RASA1: variants seen among roughly 807,000 people sequenced by gnomAD.
RASA1 encodes RAS p21 protein activator 1.
Under a neutral mutation model 132.2 loss-of-function variants are expected in RASA1, and 25 were observed. That is an observed-to-expected ratio of 0.19 (90% CI 0.14 to 0.26). RASA1 has a LOEUF of 0.26. Ranked by LOEUF, RASA1 falls within the 10% of genes least tolerant of loss-of-function variation. The pLI, the probability that RASA1 is intolerant of heterozygous loss-of-function variation, is 1.00. For missense variants in RASA1, 964 were observed against 1,299.2 expected, an observed-to-expected ratio of 0.74 and a Z score of 3.97; for synonymous variants, 477 against 449.9, an observed-to-expected ratio of 1.06 and a Z score of -0.76.
chr5:87,291,590 G>GCCT (rs1249786525), intron 1 of RASA1, among the ~76,000 whole-genome samples: 1 of 152,140 alleles, frequency 6.6e-6, no homozygotes, highest in Non-Finnish European at 1.5e-5. Flanking sequence ...GGTGGGACCT[G>GCCT]GTGAGAGGGG....
intron 1 of RASA1, among the ~76,000 whole-genome samples, chr5:87,315,126 A>G (rs1756227664): frequency 6.6e-6 from 1 of 152,264 alleles, no homozygotes; most frequent in African/African-American, 2.4e-5. Context: ...GTACAGAATT[A>G]CAACACAGCT....
rs1423385321 is a variant in RASA1 at position 87,372,161 on chromosome 5, G to C, written c.1742G>C (p.Ser581Thr). The C allele has an allele frequency of 6.2e-7, 1 of 1,613,560 alleles. No individual in the cohort carries two copies. The highest frequency in any genetic ancestry group is 1.3e-5 in the African/African-American group (1 of 74,902). The change falls in exon 13 of 25, where the codon AGT becomes ACT. Residue 581 changes from serine (S) to threonine (T), a missense_variant. Coordinates refer to ENST00000274376, the MANE Select transcript of RASA1 (RefSeq NM_002890.3). ...GLQAFCNLRK[S>T]SPGTSNKRLR... The stretch of plus-strand genomic sequence containing the variant: ...CAGGCATTTTGCAATTTACGGAAAA[G>C]TAGTCCAGGGACATCCAATAAACGC...
intron 9 of RASA1, among the ~76,000 whole-genome samples, chr5:87,356,950 C>G (rs77370944): frequency 0.032 from 4,854 of 152,120 alleles, 162 homozygotes; most frequent in African/African-American, 0.074. Flanking sequence ...TGTTTTTTCC[C>G]AGTGCTTAGA....
At chr5:87,321,991 CA>C (rs879724592) in intron 1 of RASA1, among the ~76,000 whole-genome samples, 2 of 152,114 alleles carry the variant, frequency 1.3e-5, no homozygotes, top group Non-Finnish European at 2.9e-5. Context: ...AAGACTATAA[CA>C]AGGGTGATAT....
intron 1 of RASA1, among the ~76,000 whole-genome samples, chr5:87,303,361 TTC>T (rs1755464181): frequency 6.6e-6 from 1 of 152,124 alleles, no homozygotes; most frequent in African/African-American, 2.4e-5. Flanking sequence ...TATTTTTTTT[TTC>T]TGTCTTTTCA....
intron 1 of RASA1, among the ~76,000 whole-genome samples, chr5:87,310,892 A>G (rs541050598): frequency 6.6e-6 from 1 of 152,228 alleles, no homozygotes; most frequent in Non-Finnish European, 1.5e-5. Context: ...GCATCAAACT[A>G]TACTAGTAAT....
chr5:87,375,473 C>T (rs1426969080), intron 15 of RASA1, among the ~76,000 whole-genome samples: 2 of 152,130 alleles, frequency 1.3e-5, no homozygotes. Flanking sequence ...GTTGGCCAGG[C>T]TGGTTTCAAA....
intron 1 of RASA1, among the ~76,000 whole-genome samples, chr5:87,270,572 C>T (rs1753782294): frequency 1.3e-5 from 2 of 150,342 alleles, no homozygotes; most frequent in Non-Finnish European, 1.5e-5. Flanking sequence ...ATGTCGAACT[C>T]CTGACCTCAG....
At chr5:87,269,435 A>G in intron 1 of RASA1, 1 of 1,008,320 alleles carries the variant, frequency 9.9e-7, no homozygotes, top group South Asian at 1.6e-5. Flanking sequence ...AATTTGAAAA[A>G]TGTATTGGTT....
At chr5:87,306,720 A>G (rs985297422) in intron 1 of RASA1, among the ~76,000 whole-genome samples, 4 of 152,032 alleles carry the variant, frequency 2.6e-5, no homozygotes, top group African/African-American at 4.8e-5. Context: ...GCTGGGGTAT[A>G]TAGAATGCTT....
intron 12 of RASA1, among the ~76,000 whole-genome samples, chr5:87,371,232 A>C (rs1394791633): frequency 6.6e-6 from 1 of 151,998 alleles, no homozygotes; most frequent in African/African-American, 2.4e-5. Flanking sequence ...TGGTATTTCC[A>C]GTTTTTGTTG....
chr5:87,269,130 A>G, intron 1 of RASA1, 140 bp downstream of exon 1: 1 of 1,613,440 alleles, frequency 6.2e-7, no homozygotes, highest in Non-Finnish European at 8.5e-7. Flanking sequence ...CTTGGGTAGG[A>G]ATTTAATCTG....
At chr5:87,345,389 G>C (rs1337740164) in intron 6 of RASA1, among the ~76,000 whole-genome samples, 2 of 151,970 alleles carry the variant, frequency 1.3e-5, no homozygotes, top group African/African-American at 4.8e-5. Context: ...TAGAAGTAGA[G>C]GATTAGCCTT....
intron 1 of RASA1, among the ~76,000 whole-genome samples, chr5:87,285,618 C>CTTTT (rs548410947): frequency 3.2e-5 from 4 of 126,072 alleles, no homozygotes; most frequent in Non-Finnish European, 5.1e-5. Context: ...TTTTCTTTTT[C>CTTTT]TTTTTTTTTT....
intron 23 of RASA1, among the ~76,000 whole-genome samples, chr5:87,387,810 A>C (rs1762169095): frequency 6.6e-6 from 1 of 152,188 alleles, no homozygotes; most frequent in Non-Finnish European, 1.5e-5. Flanking sequence ...AGTGAAATGG[A>C]CAAAAATGCT....
In RASA1 at chr5:87,268,562, G is replaced by C. The variant is rs181218870; in HGVS notation, c.111G>C (p.Lys37Asn). The C allele has an allele frequency of 3.5e-5, 56 of 1,605,894 alleles. No homozygotes were observed. Among genetic ancestry groups the C allele is most frequent in the Non-Finnish European group, 4.7e-5 (55 of 1,177,378 alleles). The change falls in exon 1 of 25, where the codon AAG becomes AAC. Residue 37 changes from lysine to asparagine, a missense_variant. Coordinates refer to ENST00000274376, the MANE Select transcript of RASA1 (RefSeq NM_002890.3). ...SSAYPAVCRV[K>N]IPAALPVAAA... Reference sequence around the variant, plus strand: ...CCTATCCCGCAGTGTGTCGGGTGAAGATACCCGCGGCCCTGCCTGTGGCAG... The same window carrying C: ...CCTATCCCGCAGTGTGTCGGGTGAACATACCCGCGGCCCTGCCTGTGGCAG...
At chr5:87,385,414 A>C (rs771058544) in intron 22 of RASA1, 25 bp downstream of exon 22, 1 of 1,508,298 alleles carries the variant, frequency 6.6e-7, no homozygotes, top group Admixed American at 1.7e-5. Context: ...ATACTTTAAA[A>C]TGTAATTTAT....
chr5:87,287,741 TAGATATACCATTATGTACAC>T (rs1754707440), intron 1 of RASA1, among the ~76,000 whole-genome samples: 1 of 134,910 alleles, frequency 7.4e-6, no homozygotes, highest in Non-Finnish European at 1.6e-5. Flanking sequence ...GTACACGCCA[TAGATATACCATTATGTACAC>T]GCCATAGATA....
At position 87,391,446 on chromosome 5, in the gene RASA1, G is replaced by T; in HGVS notation, c.*563G>T. 4.1e-6 allele frequency: 1 copy of T among 241,438 alleles called. No individual in the cohort carries two copies. Among genetic ancestry groups the T allele is most frequent in the Admixed American group, 5.0e-5 (1 of 19,922 alleles). 15.0% of individuals were successfully genotyped at this position (241,438 alleles called of 1,614,324 possible). ...GCTGTATACTTTTAAAAAATACTCT[G>T]CTATTTCTCTTGCTGGAACTGTTGA... On this transcript the variant is annotated 3_prime_UTR_variant, in exon 25 of 25. Transcript: ENST00000274376.
Sources: allele counts gnomAD v4.1 joint callset (sites outside exome capture counted in the v4.1 genomes callset), GRCh38; gene constraint gnomAD v4.1.1; transcripts MANE v1.5; gene names NCBI Gene and HGNC (gene_info 2026-07-23, HGNC 2026-07-21).